Variants in LSAMP observed in about 807,000 individuals in gnomAD.
The protein encoded by LSAMP is limbic system associated membrane protein.
In LSAMP, 7 loss-of-function variants were observed where a neutral mutation model predicts 38.6. That is an observed-to-expected ratio of 0.18 (90% confidence interval 0.10 to 0.34). The LOEUF (loss-of-function observed/expected upper bound fraction) is 0.34. LSAMP is among the 10% of genes least tolerant of loss of function. LSAMP has a pLI of 1.00. For synonymous variants in LSAMP, 154 were observed against 166.8 expected (o/e 0.92, Z 0.59); for missense variants, 313 against 420.0 (o/e 0.75, Z 2.23).
intron 1 of LSAMP, among the ~76,000 whole-genome samples, chr3:116,350,792 G>A (rs573101779): frequency 2.6e-5 from 4 of 151,874 alleles, no homozygotes; most frequent in Non-Finnish European, 5.9e-5. Context: ...AAGGTCTATG[G>A]TAAGAAAAAA....
At chr3:115,849,006 A>C (rs1283021723) in intron 4 of LSAMP, among the ~76,000 whole-genome samples, 2 of 152,234 alleles carry the variant, frequency 1.3e-5, no homozygotes, top group Non-Finnish European at 2.9e-5. Flanking sequence ...AAGTAGTTAC[A>C]TTTAATGCAC....
At chr3:115,914,311 A>C (rs1334929383) in intron 3 of LSAMP, among the ~76,000 whole-genome samples, 1 of 152,144 alleles carries the variant, frequency 6.6e-6, no homozygotes, top group Non-Finnish European at 1.5e-5. Context: ...TCTAACCCTC[A>C]CTATCCAATC....
intron 1 of LSAMP, among the ~76,000 whole-genome samples, chr3:116,100,929 A>C (rs1232272009): frequency 6.6e-6 from 1 of 152,226 alleles, no homozygotes; most frequent in Non-Finnish European, 1.5e-5. Flanking sequence ...AATCTATCTC[A>C]GATGTGCCCT....
intron 1 of LSAMP, among the ~76,000 whole-genome samples, chr3:116,253,048 G>A (rs1439693796): frequency 1.3e-5 from 2 of 152,162 alleles, no homozygotes; most frequent in Non-Finnish European, 2.9e-5. Context: ...TTCCAAAGAT[G>A]TTCTAGCCTT....
chr3:115,936,385 T>C (rs1458383586), intron 3 of LSAMP, among the ~76,000 whole-genome samples: 3 of 152,246 alleles, frequency 2.0e-5, no homozygotes, highest in Non-Finnish European at 4.4e-5. Context: ...AATCCTCAGC[T>C]TGATTGCTTC....
intron 3 of LSAMP, among the ~76,000 whole-genome samples, chr3:115,983,397 C>G (rs1252749372): frequency 6.6e-6 from 1 of 152,022 alleles, no homozygotes; most frequent in African/African-American, 2.4e-5. Flanking sequence ...GTGGTGCACA[C>G]CTGTAGTCCC....
chr3:116,300,583 G>A (rs2047392841), intron 1 of LSAMP, among the ~76,000 whole-genome samples: 1 of 152,270 alleles, frequency 6.6e-6, no homozygotes. Flanking sequence ...ATCCTCATAG[G>A]AGCGTGAACC....
At chr3:116,099,888 A>G (rs1320491735) in intron 1 of LSAMP, among the ~76,000 whole-genome samples, 1 of 152,056 alleles carries the variant, frequency 6.6e-6, no homozygotes, top group Non-Finnish European at 1.5e-5. Context: ...TACATTTAAT[A>G]TAATTGAAAT....
intron 1 of LSAMP, among the ~76,000 whole-genome samples, chr3:116,157,742 T>C (rs72961514): frequency 0.034 from 5,102 of 151,768 alleles, 228 homozygotes; most frequent in African/African-American, 0.1. Flanking sequence ...AGCCTATGGA[T>C]CCGATGGATT....
chr3:116,350,811 C>T (rs1320984633), intron 1 of LSAMP, among the ~76,000 whole-genome samples: 2 of 151,896 alleles, frequency 1.3e-5, no homozygotes, highest in African/African-American at 4.8e-5. Context: ...AATCTTCTAT[C>T]CGTGAACTTG....
At chr3:116,382,994 A>G (rs930442678) in intron 1 of LSAMP, among the ~76,000 whole-genome samples, 1 of 152,126 alleles carries the variant, frequency 6.6e-6, no homozygotes, top group African/African-American at 2.4e-5. Flanking sequence ...CCCTTTGCCT[A>G]CTTTAGCTAT....
At chr3:115,889,231 C>T (rs1274659536) in intron 3 of LSAMP, among the ~76,000 whole-genome samples, 1 of 151,876 alleles carries the variant, frequency 6.6e-6, no homozygotes, top group African/African-American at 2.4e-5. Flanking sequence ...TGTCATTCTA[C>T]CTAACGAAAA....
intron 1 of LSAMP, among the ~76,000 whole-genome samples, chr3:116,154,950 G>C (rs1048529199): frequency 2.6e-5 from 4 of 151,998 alleles, no homozygotes; most frequent in Non-Finnish European, 5.9e-5. Context: ...GGAGTATATT[G>C]TATAAAAAAG....
intron 1 of LSAMP, among the ~76,000 whole-genome samples, chr3:116,421,757 T>C (rs2049130720): frequency 1.3e-5 from 2 of 152,172 alleles, no homozygotes. Flanking sequence ...CTTGAATGGC[T>C]ATACCCAAAA....
At chr3:116,251,480 G>A (rs141369567) in intron 1 of LSAMP, among the ~76,000 whole-genome samples, 1 of 152,296 alleles carries the variant, frequency 6.6e-6, no homozygotes, top group East Asian at 1.9e-4. Flanking sequence ...ATCACAAGCA[G>A]GTGAAGTCAT....
At chr3:116,423,132 G>A (rs2049151063) in intron 1 of LSAMP, among the ~76,000 whole-genome samples, 1 of 152,184 alleles carries the variant, frequency 6.6e-6, no homozygotes, top group South Asian at 2.1e-4. Flanking sequence ...TAGACAAATA[G>A]CTGAGTAAAT....
intron 6 of LSAMP, among the ~76,000 whole-genome samples, chr3:115,822,501 C>T (rs1288979187): frequency 2.0e-5 from 3 of 151,912 alleles, no homozygotes; most frequent in Non-Finnish European, 4.4e-5. Context: ...GCTGGGATTA[C>T]AGGCATATAC....
chr3:116,320,996 G>T (rs1446722035), intron 1 of LSAMP, among the ~76,000 whole-genome samples: 2 of 152,030 alleles, frequency 1.3e-5, no homozygotes, highest in Non-Finnish European at 2.9e-5. Context: ...TGGCCTCTTG[G>T]TGAGGGTATC....
chr3:116,308,009 G>A (rs983594912), intron 1 of LSAMP, among the ~76,000 whole-genome samples: 3 of 151,908 alleles, frequency 2.0e-5, no homozygotes, highest in African/African-American at 2.4e-5. Flanking sequence ...ATAAAGAGAT[G>A]TTTAATGCAT....
Sources: allele counts gnomAD v4.1 joint callset (sites outside exome capture counted in the v4.1 genomes callset), GRCh38; gene constraint gnomAD v4.1.1; transcripts MANE v1.5; gene names NCBI Gene and HGNC (gene_info 2026-07-23, HGNC 2026-07-21).